GTPBP1: variants seen among roughly 807,000 people sequenced by gnomAD.
GTPBP1 encodes GTP-binding protein 1.
GTPBP1 carries 23 observed loss-of-function variants against 62.0 expected under a neutral mutation model. That is an observed-to-expected ratio of 0.37 (90% CI 0.27 to 0.53). GTPBP1 has a LOEUF of 0.53. Among genes scored for constraint, GTPBP1 ranks in the 20% least tolerant of loss-of-function variants. The pLI is 0.89. For synonymous variants in GTPBP1, 344 were observed against 364.4 expected (o/e 0.94, Z 0.64); for missense variants, 640 against 917.3 (o/e 0.70, Z 3.90).
Position 38,731,010 on chromosome 22 carries a change from TTGTGTGTGTGTGTGTGTGTGTGTG to T in GTPBP1, c.*323_*346del, listed in dbSNP as rs397836314. 30 of 183,766 alleles carry T rather than the reference TTGTGTGTGTGTGTGTGTGTGTGTG, an allele frequency of 1.6e-4. No homozygotes were observed. The highest frequency in any genetic ancestry group is 7.0e-4 in the African/African-American group (26 of 37,082). 11.4% of individuals were successfully genotyped at this position (183,766 alleles called of 1,614,324 possible). A position where few individuals can be genotyped will look rare whatever the true frequency, so the allele number is the denominator to read the frequency against. On this transcript the variant is annotated 3_prime_UTR_variant, in exon 12 of 12. Coordinates refer to ENST00000216044, the MANE Select transcript of GTPBP1 (RefSeq NM_004286.5). ...TATTATATGTCTCTGTCTCTCTCTA[TTGTGTGTGTGTGTGTGTGTGTGTG>T]TGTGTGTGTGTGTGTGGTGCAGGAG...
rs971287019 is a variant in GTPBP1 at position 38,726,027 on chromosome 22, C to G, written c.1095C>G (p.Ile365Met). The stretch of plus-strand genomic sequence containing the variant: ...TTAGGATGTGCCCGATATTCCAGAT[C>G]TCCAACGTTACAGGCGAGAACCTAG... ...SSERMCPIFQ[I>M]SNVTGENLDL... The change falls in exon 7 of 12, where the codon ATC (isoleucine) becomes ATG (methionine). Residue 365 changes from isoleucine to methionine, a missense_variant. Ile to Met is a conservative substitution (Grantham distance 10). Coordinates refer to ENST00000216044, the MANE Select transcript of GTPBP1 (RefSeq NM_004286.5). The surrounding 1 kb of genome is among the most constrained non-coding windows in gnomAD (Gnocchi z 4.1). 3.7e-6 allele frequency: 6 copies of G among 1,613,990 alleles called. No homozygotes were observed. Among genetic ancestry groups the G allele is most frequent in the Non-Finnish European group, 5.1e-6 (6 of 1,180,006 alleles).
downstream of GTPBP1, chr22:38,742,161 GAAA>G (rs1168879547): frequency 9.4e-7 from 1 of 1,058,782 alleles, no homozygotes; most frequent in South Asian, 1.8e-5. Context: ...AAAAAAAAAA[GAAA>G]AAAAGAGAAA....
chr22:38,708,174 A>G (rs915897604), intron 1 of GTPBP1, among the ~76,000 whole-genome samples: 5 of 152,222 alleles, frequency 3.3e-5, no homozygotes, highest in Admixed American at 6.5e-5. Context: ...TTCTTTGTCC[A>G]AGGTCACACA....
chr22:38,737,361 TC>T (rs1318323995), downstream of GTPBP1, among the ~76,000 whole-genome samples: 1 of 151,884 alleles, frequency 6.6e-6, no homozygotes, highest in Non-Finnish European at 1.5e-5. This position sits in a 1 kb window ranked among gnomAD's most constrained non-coding sequence, Gnocchi z 4.1. Context: ...TTCACGACCC[TC>T]CCTGCTACGT....
chr22:38,725,801 G>A lies in GTPBP1; in HGVS notation c.1074-205G>A, dbSNP rs994992991. On this transcript the variant is annotated intron_variant, in intron 6 of 11. Transcript: ENST00000216044. The stretch of plus-strand genomic sequence containing the variant: ...TCAGAGACAGAACTGAGTGAGAGAA[G>A]AAGGCCTCAGAGTAGGGCTGGCCAG... 67 of 582,670 alleles carry A rather than the reference G, an allele frequency of 1.1e-4. No homozygotes were observed. The Middle Eastern group carries it at 1.8e-3, about 16-fold the overall frequency. 36.1% of individuals were successfully genotyped at this position (582,670 alleles called of 1,614,324 possible). A position where few individuals can be genotyped will look rare whatever the true frequency, so the allele number is the denominator to read the frequency against.
rs138696 is a variant in GTPBP1, at chr22:38,724,489, T to G, written c.1073+78T>G. The G allele has an allele frequency of 0.038, 31,209 of 831,098 alleles. 1,580 individuals carry two copies. Among genetic ancestry groups the G allele is most frequent in the African/African-American group, 0.17 (10,433 of 59,974 alleles). 51.5% of individuals were successfully genotyped at this position (831,098 alleles called of 1,614,324 possible). A position where few individuals can be genotyped will look rare whatever the true frequency, so the allele number is the denominator to read the frequency against. On this transcript the variant is annotated intron_variant, in intron 6 of 11. Coordinates refer to ENST00000216044, the MANE Select transcript of GTPBP1 (RefSeq NM_004286.5). ...CAGTGAGTGATGGGCCTGGAATGGC[T>G]GTCAGTTTGGGCATAAGGTCTCATG... is the stretch of plus-strand genomic sequence containing the variant.
downstream of GTPBP1, chr22:38,738,543 T>C (rs1603214647): frequency 6.3e-7 from 1 of 1,591,376 alleles, no homozygotes; most frequent in Non-Finnish European, 8.6e-7. The surrounding 1 kb of genome is among the most constrained non-coding windows in gnomAD (Gnocchi z 6.6). Context: ...GCCCACAGGA[T>C]CCCCCTGCAG....
intron 1 of GTPBP1, 43 bp from the exon 2 acceptor site, chr22:38,708,802 C>A: frequency 9.2e-7 from 1 of 1,089,448 alleles, no homozygotes; most frequent in South Asian, 1.2e-5. Flanking sequence ...CTGTGGTGCT[C>A]TTCTAGCAAG....
In GTPBP1 at chr22:38,706,165, C is replaced by CG; in HGVS notation, c.192+20dup. ...CCAGCAAGGTAGGCCCGGGCGGCGG[C>CG]GGCGGGCGCTGAGGGGAGCGGGCGG... On this transcript the variant is annotated intron_variant, in intron 1 of 11. Coordinates refer to ENST00000216044, the MANE Select transcript of GTPBP1 (RefSeq NM_004286.5). The CG allele has an allele frequency of 8.1e-7, 1 of 1,230,916 alleles. No individual in the cohort carries two copies. Among genetic ancestry groups the CG allele is most frequent in the Non-Finnish European group, 1.0e-6 (1 of 985,742 alleles). 76.2% of individuals were successfully genotyped at this position (1,230,916 alleles called of 1,614,324 possible). A position where few individuals can be genotyped will look rare whatever the true frequency, so the allele number is the denominator to read the frequency against.
chr22:38,710,401 G>A (rs1342667640), intron 2 of GTPBP1, among the ~76,000 whole-genome samples: 1 of 152,190 alleles, frequency 6.6e-6, no homozygotes, highest in African/African-American at 2.4e-5. Flanking sequence ...TAAAGAAGAA[G>A]GATTTGCTCT....
Position 38,731,768 on chromosome 22 carries a change from C to T in GTPBP1, c.*1064C>T, listed in dbSNP as rs913981615. On this transcript the variant is annotated 3_prime_UTR_variant, in exon 12 of 12. Transcript: ENST00000216044. ...GCTGAGACTAGAACCCCATCTTCCC[C>T]ACCACGCCACCCCTGTGGCTGCTAC... The T allele has an allele frequency of 2.0e-5, 3 of 152,450 alleles. No homozygotes were observed. Among genetic ancestry groups the T allele is most frequent in the African/African-American group, 4.8e-5 (2 of 41,476 alleles). 9.4% of individuals were successfully genotyped at this position (152,450 alleles called of 1,614,324 possible).
At position 38,726,700 on chromosome 22, in the gene GTPBP1, A is replaced by G. The variant is rs757895558; in HGVS notation, c.1401+260A>G. Among the ~76,000 whole-genome samples, 13 of 152,108 alleles carry G rather than the reference A, an allele frequency of 8.5e-5. No homozygotes were observed. The highest frequency in any genetic ancestry group is 1.8e-4 in the Non-Finnish European group (12 of 68,000). ...TGCCTGAGCAGGGTGGCCTGAGCTC[A>G]GTGGTGAGGTCAAATAGGAGTATCC... On this transcript the variant is annotated intron_variant, in intron 8 of 11. Coordinates refer to ENST00000216044, the MANE Select transcript of GTPBP1 (RefSeq NM_004286.5). This position sits in a 1 kb window ranked among gnomAD's most constrained non-coding sequence, Gnocchi z 4.1.
downstream of GTPBP1, chr22:38,742,447 G>A (rs1228386473): frequency 6.2e-7 from 1 of 1,613,616 alleles, no homozygotes; most frequent in Non-Finnish European, 8.5e-7. Flanking sequence ...CGCAGCTCCA[G>A]ACGTTCCAGC....
At chr22:38,709,858 A>G (rs2092628279) in intron 2 of GTPBP1, among the ~76,000 whole-genome samples, 1 of 152,326 alleles carries the variant, frequency 6.6e-6, no homozygotes, top group Admixed American at 6.5e-5. Flanking sequence ...GGGACTGGTT[A>G]TTGTTCTCCA....
At chr22:38,722,695 T>A in intron 5 of GTPBP1, 1 of 1,592,028 alleles carries the variant, frequency 6.3e-7, no homozygotes, top group Non-Finnish European at 8.6e-7. Context: ...AGGCTTCAAC[T>A]GTGTTTCTTC....
At chr22:38,741,170 C>T (rs1391288910), downstream of GTPBP1, 3 of 1,128,120 alleles carry the variant, frequency 2.7e-6, no homozygotes, top group Admixed American at 6.0e-5. Flanking sequence ...GGTCTCTTGA[C>T]CCCTGCAGCA....
downstream of GTPBP1, chr22:38,736,541 C>G: frequency 1.8e-6 from 1 of 544,326 alleles, no homozygotes; most frequent in Non-Finnish European, 3.2e-6. Flanking sequence ...CTATCTTTAG[C>G]CTCCTGAGCA....
At chr22:38,712,681 CG>C (rs1569276119) in intron 2 of GTPBP1, among the ~76,000 whole-genome samples, 1 of 152,054 alleles carries the variant, frequency 6.6e-6, no homozygotes, top group African/African-American at 2.4e-5. Context: ...ATGCTGGAGA[CG>C]GGTAATGTGA....
chr22:38,731,651 A>C lies in GTPBP1; in HGVS notation c.*947A>C, dbSNP rs2092761186. On this transcript the variant is annotated 3_prime_UTR_variant, in exon 12 of 12. Transcript: ENST00000216044. ...ACCAGAAGGGGGTCTGGGTCTGCTC[A>C]GGATCATGTTTTGTAGCACCTCCTG... 6.6e-6 allele frequency: 1 copy of C among 152,610 alleles called. No homozygotes were observed. Among genetic ancestry groups the C allele is most frequent in the Non-Finnish European group, 1.5e-5 (1 of 68,116 alleles). The allele number at this position is 152,610 out of a possible 1,614,324, so 9.5% of individuals were successfully genotyped here.
Sources: gnomAD v4.1 joint callset for allele counts (sites outside exome capture counted in the v4.1 genomes callset) on GRCh38, gnomAD v4.1.1 for gene constraint, Gnocchi (gnomAD v3.1) non-coding constraint, MANE v1.5 for transcripts, NCBI Gene and HGNC (gene_info 2026-07-23, HGNC 2026-07-21) for gene names.